The following CACHD1 variants were observed in gnomAD, a reference collection of about 807,000 sequenced individuals.
CACHD1 encodes VWFA and cache domain-containing protein 1.
Under a neutral mutation model 138.7 loss-of-function variants are expected in CACHD1, and 71 were observed. The observed-to-expected ratio is 0.51, with a 90% CI of 0.42 to 0.62. The LOEUF (loss-of-function observed/expected upper bound fraction) is 0.62, where lower values mean the gene tolerates loss of function less well. CACHD1 is among the 20% of genes least tolerant of loss of function. The probability of loss-of-function intolerance (pLI) is 0.00; values close to 1 mark genes in which losing one functional copy is unlikely to be tolerated. For missense variants in CACHD1, 1,389 were observed against 1,625.3 expected, an observed-to-expected ratio of 0.85 and a Z score of 2.50; for synonymous variants, 578 against 591.5, an observed-to-expected ratio of 0.98 and a Z score of 0.33.
chr1:64,562,808 T>C (rs1646852395), intron 2 of CACHD1, among the ~76,000 whole-genome samples: 1 of 152,202 alleles, frequency 6.6e-6, no homozygotes, highest in Non-Finnish European at 1.5e-5. Context: ...TGAGCATAGT[T>C]ATAATAGCTG....
chr1:64,642,227 G>T (rs1434320054), intron 8 of CACHD1, among the ~76,000 whole-genome samples: 1 of 152,098 alleles, frequency 6.6e-6, no homozygotes, highest in Non-Finnish European at 1.5e-5. Flanking sequence ...ATTTTATACA[G>T]CGTCCCCCTG....
chr1:64,627,599 C>A (rs998897678), intron 4 of CACHD1, among the ~76,000 whole-genome samples: 1 of 152,032 alleles, frequency 6.6e-6, no homozygotes, highest in South Asian at 2.1e-4. Context: ...TCACAGGGAA[C>A]CATCACCCCC....
intron 4 of CACHD1, among the ~76,000 whole-genome samples, chr1:64,606,981 G>C (rs551730942): frequency 6.6e-6 from 1 of 152,284 alleles, no homozygotes; most frequent in East Asian, 1.9e-4. Context: ...AGTTACGTTT[G>C]AGATGCTCAT....
intron 16 of CACHD1, among the ~76,000 whole-genome samples, chr1:64,667,013 G>C (rs905853195): frequency 6.6e-6 from 1 of 151,870 alleles, no homozygotes; most frequent in Non-Finnish European, 1.5e-5. Flanking sequence ...AAAATTAAAA[G>C]GCTTTTTGAA....
chr1:64,632,812 T>G, intron 6 of CACHD1, 69 bp downstream of exon 6: 2 of 1,547,452 alleles, frequency 1.3e-6, no homozygotes. Context: ...AGTACTTTAT[T>G]GTTTTGTGAT....
chr1:64,605,924 A>G (rs1015947973), intron 4 of CACHD1, among the ~76,000 whole-genome samples: 4 of 152,140 alleles, frequency 2.6e-5, no homozygotes, highest in East Asian at 1.9e-4. Flanking sequence ...TTAGAAGGCC[A>G]TTGGGAGACT....
At position 64,691,703 on chromosome 1, in the gene CACHD1, T is replaced by C. The variant is rs375535705; in HGVS notation, c.*142T>C. On this transcript the variant is annotated 3_prime_UTR_variant, in exon 27 of 27. Transcript: ENST00000651257. ...AGAGTTGTTTGAGTCATTTCCTGCC[T>C]GTCGACATGGTTAAAAACGAGAGAA... 2 of 674,384 alleles carry C rather than the reference T, an allele frequency of 3.0e-6. No individual in the cohort carries two copies. Among genetic ancestry groups the C allele is most frequent in the Admixed American group, 5.5e-5 (2 of 36,486 alleles). The allele number at this position is 674,384 out of a possible 1,614,324, so 41.8% of individuals were successfully genotyped here.
intron 1 of CACHD1, among the ~76,000 whole-genome samples, chr1:64,504,705 T>G (rs1484142997): frequency 6.6e-6 from 1 of 152,224 alleles, no homozygotes; most frequent in Non-Finnish European, 1.5e-5. Context: ...GACCTGGGCA[T>G]ACTCATGGGC....
rs748489973 is a variant in CACHD1, at chr1:64,653,724, T to C, written c.1541-34T>C. Reference sequence around the variant, plus strand: ...GATTCAGAACTTCCTACAACATGTTTCTTATTAACATGCATTTTGTTTTCT... The same window carrying C: ...GATTCAGAACTTCCTACAACATGTTCCTTATTAACATGCATTTTGTTTTCT... On this transcript the variant is annotated intron_variant, in intron 10 of 26. Transcript: ENST00000651257. 7 of 1,600,864 alleles carry C rather than the reference T, an allele frequency of 4.4e-6. No homozygotes were observed. In the South Asian group the frequency reaches 7.9e-5, roughly 18 times the overall value.
intron 4 of CACHD1, among the ~76,000 whole-genome samples, chr1:64,622,272 G>T (rs1325437455): frequency 1.3e-5 from 2 of 152,118 alleles, no homozygotes; most frequent in Middle Eastern, 3.2e-3. Context: ...AGTGTTTAAG[G>T]TTTCTCAGAG....
At chr1:64,648,144 C>A in intron 9 of CACHD1, 110 bp downstream of exon 9, 1 of 788,002 alleles carries the variant, frequency 1.3e-6, no homozygotes, top group Non-Finnish European at 2.1e-6. Context: ...GCCACCTGTC[C>A]TATATCTCTG....
chr1:64,529,798 A>G (rs1243560940), intron 1 of CACHD1, among the ~76,000 whole-genome samples: 2 of 152,194 alleles, frequency 1.3e-5, no homozygotes, highest in South Asian at 2.1e-4. Flanking sequence ...TCTTGCTGCC[A>G]AGAACTATTC....
chr1:64,606,771 GT>G (rs1647354624), intron 4 of CACHD1, among the ~76,000 whole-genome samples: 1 of 152,156 alleles, frequency 6.6e-6, no homozygotes, highest in Non-Finnish European at 1.5e-5. Flanking sequence ...TTCTGAATAT[GT>G]TTTGAAGGTA....
intron 4 of CACHD1, among the ~76,000 whole-genome samples, chr1:64,608,390 CAT>C (rs1647406546): frequency 1.3e-5 from 2 of 152,188 alleles, no homozygotes; most frequent in Non-Finnish European, 2.9e-5. Flanking sequence ...TAGGTTATCA[CAT>C]GTCTGATATT....
chr1:64,494,165 C>A lies in CACHD1; in HGVS notation c.198+23223C>A, dbSNP rs887591152. Among the ~76,000 whole-genome samples the A allele has an allele frequency of 1.2e-4, 18 of 152,334 alleles. 6 individuals carry two copies. The highest frequency in any genetic ancestry group is 2.9e-5 in the Non-Finnish European group (2 of 68,028). On this transcript the variant is annotated intron_variant, in intron 1 of 26. Coordinates refer to ENST00000651257, the MANE Select transcript of CACHD1 (RefSeq NM_020925.4). ...CTTTGCATTTGCAATGAGGGCCCCA[C>A]TTCTCTGAGCCCTAGTGAAAGTGGA...
intron 1 of CACHD1, among the ~76,000 whole-genome samples, chr1:64,533,989 G>A (rs988179513): frequency 6.6e-6 from 1 of 150,398 alleles, no homozygotes. Context: ...TCCTGACCTC[G>A]TTATCCACCT....
chr1:64,572,238 T>C (rs1043741709), intron 2 of CACHD1, among the ~76,000 whole-genome samples: 1 of 152,108 alleles, frequency 6.6e-6, no homozygotes, highest in African/African-American at 2.4e-5. Flanking sequence ...AGCTTCTCGA[T>C]TTTTTTTCTA....
chr1:64,670,927 G>A (rs1196642690), intron 16 of CACHD1, among the ~76,000 whole-genome samples: 2 of 152,178 alleles, frequency 1.3e-5, no homozygotes, highest in African/African-American at 2.4e-5. Flanking sequence ...AGTTAGCACC[G>A]TGTTTTACTG....
chr1:64,674,119 TTAAG>T (rs1455199843), intron 19 of CACHD1, among the ~76,000 whole-genome samples: 1 of 152,208 alleles, frequency 6.6e-6, no homozygotes. Flanking sequence ...ATGTCAGTCA[TTAAG>T]TATGTAATTA....
Sources: allele counts gnomAD v4.1 joint callset (sites outside exome capture counted in the v4.1 genomes callset), GRCh38; gene constraint gnomAD v4.1.1; transcripts MANE v1.5; gene names NCBI Gene and HGNC (gene_info 2026-07-23, HGNC 2026-07-21).